Variants in FAM177A1 observed in about 807,000 individuals in gnomAD.
FAM177A1 encodes protein FAM177A1.
Under a neutral mutation model 26.1 loss-of-function variants are expected in FAM177A1, and 22 were observed. The observed-to-expected ratio is 0.84, with a 90% CI of 0.60 to 1.20. The LOEUF is 1.20. Ranked by LOEUF, FAM177A1 falls within the 50% of genes most tolerant of loss-of-function variation. The probability of loss-of-function intolerance (pLI) is 0.00; values close to 1 mark genes in which losing one functional copy is unlikely to be tolerated. For missense variants in FAM177A1, 296 were observed against 291.1 expected (o/e 1.02, Z -0.12); for synonymous variants, 95 against 99.3 (o/e 0.96, Z 0.26).
chr14:35,080,288 T>C (rs529688134), intron 4 of FAM177A1, among the ~76,000 whole-genome samples: 1 of 152,356 alleles, frequency 6.6e-6, no homozygotes, highest in South Asian at 2.1e-4. Context: ...CTTATCTATG[T>C]ATTTGATGCT....
In FAM177A1 at chr14:35,081,399, G is replaced by C. The variant is rs1566677443; in HGVS notation, c.*171G>C. 3.2e-6 allele frequency: 2 copies of C among 625,690 alleles called. No individual in the cohort carries two copies. The highest frequency in any genetic ancestry group is 1.9e-5 in the African/African-American group (1 of 53,176). 38.8% of individuals were successfully genotyped at this position (625,690 alleles called of 1,614,324 possible). A position where few individuals can be genotyped will look rare whatever the true frequency, so the allele number is the denominator to read the frequency against. ...TTTAGGATCTATCTAGCAAAAGCCAGATCTGAAATTCAGATATTTGTACTG... is the reference window on the plus strand; with the variant it reads ...TTTAGGATCTATCTAGCAAAAGCCACATCTGAAATTCAGATATTTGTACTG... On this transcript the variant is annotated 3_prime_UTR_variant, in exon 5 of 5. Transcript: ENST00000280987.
chr14:35,062,792 T>C (rs1425977129), intron 2 of FAM177A1, among the ~76,000 whole-genome samples: 289 of 121,262 alleles, frequency 2.4e-3, no homozygotes, highest in African/African-American at 9.2e-3. Context: ...AGACCCTGTC[T>C]CAAAAAAAAA....
In FAM177A1 at chr14:35,069,423, T is replaced by C. The variant is rs569297988; in HGVS notation, c.340-7727T>C. On this transcript the variant is annotated intron_variant, in intron 2 of 4. Coordinates refer to ENST00000280987, the MANE Select transcript of FAM177A1 (RefSeq NM_173607.5). ...GCCTCAGCCTCCCAAGTAGCTGGGA[T>C]TACAGGCATGTGCCACCATGCCCGG... Among the ~76,000 whole-genome samples the C allele has an allele frequency of 5.3e-5, 8 of 152,080 alleles. No individual in the cohort carries two copies. In the East Asian group the frequency reaches 1.6e-3, roughly 30 times the overall value.
At chr14:35,054,477 C>A (rs2045028314) in intron 2 of FAM177A1, among the ~76,000 whole-genome samples, 2 of 151,976 alleles carry the variant, frequency 1.3e-5, no homozygotes, top group South Asian at 4.1e-4. Context: ...ATTTTAGGTG[C>A]CGGTGATATA....
chr14:35,073,131 C>T (rs574567723), intron 2 of FAM177A1, among the ~76,000 whole-genome samples: 79 of 152,100 alleles, frequency 5.2e-4, no homozygotes, highest in African/African-American at 1.7e-3. Context: ...AGTGCAGTGG[C>T]GTGATCTTGG....
chr14:35,067,789 C>T (rs2045261811), intron 2 of FAM177A1, among the ~76,000 whole-genome samples: 2 of 152,272 alleles, frequency 1.3e-5, no homozygotes, highest in Admixed American at 1.3e-4. Context: ...TGATGTTGAA[C>T]ATTTTTTCAT....
At chr14:35,067,713 A>C (rs1178134278) in intron 2 of FAM177A1, among the ~76,000 whole-genome samples, 2 of 152,124 alleles carry the variant, frequency 1.3e-5, no homozygotes, top group Non-Finnish European at 2.9e-5. Context: ...TTTTGATAAT[A>C]TCCATTTTGA....
At chr14:35,059,477 C>A (rs999758174) in intron 2 of FAM177A1, among the ~76,000 whole-genome samples, 9 of 148,412 alleles carry the variant, frequency 6.1e-5, no homozygotes, top group Non-Finnish European at 1.0e-4. Context: ...TTGCTCCTTT[C>A]TTTTCTACTG....
intron 2 of FAM177A1, among the ~76,000 whole-genome samples, chr14:35,057,561 A>G (rs796624262): frequency 9.9e-5 from 15 of 152,148 alleles, no homozygotes; most frequent in African/African-American, 3.4e-4. Flanking sequence ...TTGTATTTTT[A>G]GTAGAGGCAG....
At chr14:35,070,427 T>G (rs1284536166) in intron 2 of FAM177A1, among the ~76,000 whole-genome samples, 2 of 152,014 alleles carry the variant, frequency 1.3e-5, no homozygotes, top group Non-Finnish European at 2.9e-5. Context: ...CCTCCCGGAT[T>G]CAAGCAATTC....
At chr14:35,058,960 C>T (rs780661527) in intron 2 of FAM177A1, among the ~76,000 whole-genome samples, 6 of 151,702 alleles carry the variant, frequency 4.0e-5, no homozygotes, top group South Asian at 4.2e-4. Flanking sequence ...TTTTTTGGGA[C>T]GGAGTCACTC....
rs187954728 is a variant in FAM177A1 at position 35,069,639 on chromosome 14, G to A, written c.340-7511G>A. Reference sequence around the variant, plus strand: ...TAAACCTGGCTTCACTTAATGTTAAGAGCAGACTTTCAATTTTCTGTTTCC... The same window carrying A: ...TAAACCTGGCTTCACTTAATGTTAAAAGCAGACTTTCAATTTTCTGTTTCC... On this transcript the variant is annotated intron_variant, in intron 2 of 4. Coordinates refer to ENST00000280987, the MANE Select transcript of FAM177A1 (RefSeq NM_173607.5). Among the ~76,000 whole-genome samples, 3 of 152,214 alleles carry A rather than the reference G, an allele frequency of 2.0e-5. No individual in the cohort carries two copies. The East Asian group carries it at 5.8e-4, about 29-fold the overall frequency.
chr14:35,074,449 C>G (rs1566674768), intron 2 of FAM177A1, among the ~76,000 whole-genome samples: 1 of 152,070 alleles, frequency 6.6e-6, no homozygotes, highest in African/African-American at 2.4e-5. Flanking sequence ...TCTCAGCTTC[C>G]CTAGAAGCTG....
At chr14:35,052,764 A>G (rs929598573) in intron 1 of FAM177A1, among the ~76,000 whole-genome samples, 1 of 151,560 alleles carries the variant, frequency 6.6e-6, no homozygotes, top group Admixed American at 6.6e-5. Flanking sequence ...GTCCCTATAG[A>G]AAAAAAAATT....
At chr14:35,071,562 C>G (rs2045321939) in intron 2 of FAM177A1, among the ~76,000 whole-genome samples, 1 of 150,152 alleles carries the variant, frequency 6.7e-6, no homozygotes, top group South Asian at 2.1e-4. Flanking sequence ...TTTTTTGATT[C>G]AATCAAGTCA....
At position 35,073,318 on chromosome 14, in the gene FAM177A1, C is replaced by T. The variant is rs146525219; in HGVS notation, c.340-3832C>T. 5.3e-3 allele frequency among the ~76,000 whole-genome samples: 804 copies of T among 152,332 alleles called. 4 individuals carry two copies. The highest frequency in any genetic ancestry group is 0.018 in the African/African-American group (748 of 41,574). ...ATCCTGAGCTCAGGTAATCTGCCCG[C>T]CTCAGCCTCCTGAAGTACTGGGATT... On this transcript the variant is annotated intron_variant, in intron 2 of 4. Transcript: ENST00000280987.
rs561349347 is a variant in FAM177A1, at chr14:35,083,286, A to G, written c.*2058A>G. 4 of 152,806 alleles carry G rather than the reference A, an allele frequency of 2.6e-5. No individual in the cohort carries two copies. The highest frequency in any genetic ancestry group is 1.9e-4 in the East Asian group (1 of 5,190). 9.5% of individuals were successfully genotyped at this position (152,806 alleles called of 1,614,324 possible). On this transcript the variant is annotated 3_prime_UTR_variant, in exon 5 of 5. Coordinates refer to ENST00000280987, the MANE Select transcript of FAM177A1 (RefSeq NM_173607.5). ...GAATTTTACTTTTGCTACTTGTCCA[A>G]TAGTGGCTAGTTTATGTTTATCAAT...
chr14:35,054,176 C>G (rs1350981912), intron 2 of FAM177A1, among the ~76,000 whole-genome samples: 2 of 152,070 alleles, frequency 1.3e-5, no homozygotes, highest in Non-Finnish European at 2.9e-5. Flanking sequence ...GATCGCGCCA[C>G]TGCACTACAG....
At chr14:35,073,889 A>G (rs1295286721) in intron 2 of FAM177A1, among the ~76,000 whole-genome samples, 1 of 152,108 alleles carries the variant, frequency 6.6e-6, no homozygotes, top group African/African-American at 2.4e-5. Context: ...GGGCACTTTG[A>G]TCTCCACTAA....
Sources: allele counts gnomAD v4.1 joint callset (sites outside exome capture counted in the v4.1 genomes callset), GRCh38; gene constraint gnomAD v4.1.1; transcripts MANE v1.5; gene names NCBI Gene and HGNC (gene_info 2026-07-23, HGNC 2026-07-21).